Variants in PTCH1 observed in about 807,000 individuals in gnomAD.
PTCH1 encodes the protein protein patched homolog 1.
Under a neutral mutation model 144.6 loss-of-function variants are expected in PTCH1, and 14 were observed. That is an observed-to-expected ratio of 0.10 (90% CI 0.06 to 0.15). PTCH1 has a LOEUF of 0.15. Among genes scored for constraint, PTCH1 ranks in the 10% least tolerant of loss-of-function variants. The pLI is 1.00. For synonymous variants in PTCH1, 833 were observed against 793.6 expected, an observed-to-expected ratio of 1.05 and a Z score of -0.83; for missense variants, 1,623 against 1,948.3, an observed-to-expected ratio of 0.83 and a Z score of 3.14.
chr9:95,460,386 G>A (rs1259038403), intron 16 of PTCH1, among the ~76,000 whole-genome samples: 2 of 152,160 alleles, frequency 1.3e-5, no homozygotes, highest in Non-Finnish European at 2.9e-5. Context: ...TCCTCTGCGT[G>A]GCCAAATGTG....
chr9:95,472,903 T>C (rs1283516839), intron 12 of PTCH1, among the ~76,000 whole-genome samples: 1 of 152,148 alleles, frequency 6.6e-6, no homozygotes. Flanking sequence ...AGAGTGTAAG[T>C]AAACCAGAGA....
At chr9:95,514,329 CCTGT>C (rs1275907625) in intron 1 of PTCH1, 4 of 152,238 alleles carry the variant, frequency 2.6e-5, no homozygotes, top group Admixed American at 6.5e-5. Flanking sequence ...CTCGCCTCTC[CCTGT>C]CTAATATATC....
chr9:95,496,824 T>C (rs898413864), intron 2 of PTCH1, among the ~76,000 whole-genome samples: 6 of 152,202 alleles, frequency 3.9e-5, no homozygotes, highest in African/African-American at 1.4e-4. Flanking sequence ...CTTTTGTTAT[T>C]TTCTCTTAGA....
chr9:95,474,140 T>C lies in PTCH1; in HGVS notation c.1728+1894A>G, dbSNP rs751073231. 2.7e-5 allele frequency: 13 copies of C among 482,734 alleles called. No individual in the cohort carries two copies. The East Asian group carries it at 7.2e-4, about 27-fold the overall frequency. 29.9% of individuals were successfully genotyped at this position (482,734 alleles called of 1,614,324 possible). ...AGTCGGCCTCGATGAGCCATCAGTA[T>C]GTACTAAGAGAGGAGAGGAGAGAAT... is the stretch of plus-strand genomic sequence containing the variant. On this transcript the variant is annotated intron_variant, in intron 12 of 23. Coordinates refer to ENST00000331920, the MANE Select transcript of PTCH1 (RefSeq NM_000264.5).
At chr9:95,494,256 G>T in intron 2 of PTCH1, 1 of 985,524 alleles carries the variant, frequency 1.0e-6, no homozygotes, top group Non-Finnish European at 1.2e-6. Context: ...TTTCCCTGAC[G>T]CAGACCTGCT....
At chr9:95,506,328 GT>G in intron 2 of PTCH1, 78 bp downstream of exon 2, 1 of 1,486,228 alleles carries the variant, frequency 6.7e-7, no homozygotes, top group South Asian at 1.2e-5. Flanking sequence ...CAGGCTCTAG[GT>G]GTGCGCTGGC....
rs1421052489 is a variant in PTCH1 at position 95,516,263 on chromosome 9, C to T, written c.3+206G>A. On this transcript the variant is annotated intron_variant, in intron 1 of 22. Transcript: ENST00000430669. ...GGGCGTGCGAGCGAGCGTGGAGGCG[C>T]GGGACCCGCGCTCCCGCGCCCAGGC... Among the ~76,000 whole-genome samples, 7 of 147,120 alleles carry T rather than the reference C, an allele frequency of 4.8e-5. No individual in the cohort carries two copies. The East Asian group carries it at 1.4e-3, about 29-fold the overall frequency.
chr9:95,512,885 G>A (rs901314611), upstream of PTCH1, among the ~76,000 whole-genome samples: 16 of 152,212 alleles, frequency 1.1e-4, no homozygotes, highest in African/African-American at 3.9e-4. Context: ...CCTTTATGAA[G>A]CAACAGCTGA....
intron 9 of PTCH1, 128 bp downstream of exon 9, chr9:95,477,927 A>T: frequency 1.9e-6 from 3 of 1,540,976 alleles, no homozygotes; most frequent in Non-Finnish European, 2.7e-6. Context: ...CTGTGAAGCC[A>T]CGCTCTCTCT....
At position 95,443,224 on chromosome 9, in the gene PTCH1, G is replaced by T. The variant is rs1385728624; in HGVS notation, c.*3169C>A. ...CTTTGTAATACATCCATGTAACAGA[G>T]CTATGCTTATACCCACTATTTATAC... On this transcript the variant is annotated 3_prime_UTR_variant, in exon 24 of 24. Transcript: ENST00000331920. 1 of 152,102 alleles carries T rather than the reference G, an allele frequency of 6.6e-6. No homozygotes were observed. The highest frequency in any genetic ancestry group is 1.5e-5 in the Non-Finnish European group (1 of 68,016). 9.4% of individuals were successfully genotyped at this position (152,102 alleles called of 1,614,324 possible). A position where few individuals can be genotyped will look rare whatever the true frequency, so the allele number is the denominator to read the frequency against.
In PTCH1 at chr9:95,468,962, T is replaced by G. The variant is rs1840298815; in HGVS notation, c.2039A>C (p.Glu680Ala). Reference sequence around the variant, plus strand: ...CTGCACAGAGATCTCGGAGCGCGGCTCAGCGGTGGTGTAGTACACGTGCGT... The same window carrying G: ...CTGCACAGAGATCTCGGAGCGCGGCGCAGCGGTGGTGTAGTACACGTGCGT... Reference protein sequence around the residue: ...PHTHVYYTTAEPRSEISVQPV... With the variant: ...PHTHVYYTTAAPRSEISVQPV... Residue 680 changes from glutamate (E) to alanine (A), a missense_variant, in exon 14 of 24, where the codon GAG (glutamate) becomes GCG (alanine). Glu to Ala is a moderately radical substitution (Grantham distance 107). Around this residue, in one of 7 missense-constraint regions of PTCH1, gnomAD observed 179 missense variants for 165.7 expected, o/e 1.08. Coordinates refer to ENST00000331920, the MANE Select transcript of PTCH1 (RefSeq NM_000264.5). 6.2e-7 allele frequency: 1 copy of G among 1,613,936 alleles called. No individual in the cohort carries two copies. Among genetic ancestry groups the G allele is most frequent in the African/African-American group, 1.3e-5 (1 of 74,884 alleles).
At chr9:95,484,734 A>C (rs113423226) in intron 3 of PTCH1, among the ~76,000 whole-genome samples, 150 of 152,308 alleles carry the variant, frequency 9.8e-4, no homozygotes, top group African/African-American at 3.4e-3. Flanking sequence ...AACAAACTGA[A>C]TGCCCACTCT....
In PTCH1 at chr9:95,508,538, C is replaced by G; in HGVS notation, c.-177G>C. 1 of 1,010,962 alleles carries G rather than the reference C, an allele frequency of 9.9e-7. No homozygotes were observed. The highest frequency in any genetic ancestry group is 4.9e-4 in the Middle Eastern group (1 of 2,056). The allele number at this position is 1,010,962 out of a possible 1,614,324, so 62.6% of individuals were successfully genotyped here. The stretch of plus-strand genomic sequence containing the variant: ...ACAGACCAGCCGCTGCTGCTGCTCA[C>G]ACGGCGGGCGCTGCTGCCGCTGCGG... On this transcript the variant is annotated 5_prime_UTR_variant, in exon 1 of 24. Coordinates refer to ENST00000331920, the MANE Select transcript of PTCH1 (RefSeq NM_000264.5).
At chr9:95,457,687 C>T (rs1258828889) in intron 18 of PTCH1, among the ~76,000 whole-genome samples, 1 of 152,128 alleles carries the variant, frequency 6.6e-6, no homozygotes, top group African/African-American at 2.4e-5. Context: ...CACAAAATGA[C>T]ACTTTTCAAT....
Position 95,446,308 on chromosome 9 carries a change from CCAGTTCTCTTCAAG to C in PTCH1, c.*71_*84del. 2.0e-6 allele frequency: 1 copy of C among 510,644 alleles called. No homozygotes were observed. The highest frequency in any genetic ancestry group is 1.4e-5 in the South Asian group (1 of 69,836). 31.6% of individuals were successfully genotyped at this position (510,644 alleles called of 1,614,324 possible). Reference sequence around the variant, plus strand: ...CAGGGCATCTTTTCCATAACTCCAACCAGTTCTCTTCAAGCAGTTCTGGAAAGAGGTGGGGGTGG... The same window carrying C: ...CAGGGCATCTTTTCCATAACTCCAACCAGTTCTGGAAAGAGGTGGGGGTGG... On this transcript the variant is annotated 3_prime_UTR_variant, in exon 24 of 24. Coordinates refer to ENST00000331920, the MANE Select transcript of PTCH1 (RefSeq NM_000264.5).
At chr9:95,508,038 AGTGAGTGTGTGT>A (rs781722435) in intron 1 of PTCH1, 111 bp downstream of exon 1, 2 of 1,356,056 alleles carry the variant, frequency 1.5e-6, no homozygotes, top group Non-Finnish European at 2.0e-6. Context: ...GAGAGGTGTG[AGTGAGTGTGTGT>A]GTGTGTGTGA....
chr9:95,508,032 G>A lies in PTCH1; in HGVS notation c.201+129C>T, dbSNP rs1843862373. On this transcript the variant is annotated intron_variant, in intron 1 of 23. Transcript: ENST00000331920. ...ATTTGTCTGCTGCTTTTCCTGGAGA[G>A]GTGTGAGTGAGTGTGTGTGTGTGTG... 8.6e-6 allele frequency: 13 copies of A among 1,515,658 alleles called. 1 individual carries two copies. The highest frequency in any genetic ancestry group is 1.9e-4 in the Middle Eastern group (1 of 5,172). 93.9% of individuals were successfully genotyped at this position (1,515,658 alleles called of 1,614,324 possible). A position where few individuals can be genotyped will look rare whatever the true frequency, so the allele number is the denominator to read the frequency against.
intron 12 of PTCH1, 39 bp downstream of exon 12, chr9:95,475,995 C>G: frequency 6.2e-7 from 1 of 1,612,170 alleles, no homozygotes; most frequent in Non-Finnish European, 8.5e-7. Context: ...GTCAGTGCCC[C>G]GTTCAGGATC....
chr9:95,480,142 T>A, intron 6 of PTCH1, 52 bp from the exon 7 acceptor site: 1 of 1,612,142 alleles, frequency 6.2e-7, no homozygotes, highest in East Asian at 2.2e-5. Flanking sequence ...GCAGGTCACA[T>A]GCCTTGTTAA....
Sources: allele counts gnomAD v4.1 joint callset (sites outside exome capture counted in the v4.1 genomes callset), GRCh38; gene constraint gnomAD v4.1.1; regional missense constraint gnomAD v4.1.1; transcripts MANE v1.5; gene names NCBI Gene and HGNC (gene_info 2026-07-23, HGNC 2026-07-21).